DTD1: variants seen among roughly 807,000 people sequenced by gnomAD.
DTD1 encodes D-tyrosyl-tRNA deacylase 1 homolog.
DTD1 carries 13 observed loss-of-function variants against 25.6 expected under a neutral mutation model. That is an observed-to-expected ratio of 0.51 (90% CI 0.33 to 0.81). The LOEUF is 0.81. DTD1 is among the 30% of genes least tolerant of loss of function. The pLI is 0.02. For missense variants in DTD1, 193 were observed against 266.4 expected (o/e 0.72, Z 1.92); for synonymous variants, 110 against 103.6 (o/e 1.06, Z -0.37).
At chr20:18,706,256 G>A (rs1469785396) in intron 4 of DTD1, among the ~76,000 whole-genome samples, 8 of 152,244 alleles carry the variant, frequency 5.3e-5, no homozygotes, top group South Asian at 2.1e-4. Context: ...TAGGAATTGC[G>A]CCACACCCTG....
intron 4 of DTD1, among the ~76,000 whole-genome samples, chr20:18,635,237 C>T (rs561695525): frequency 6.6e-6 from 1 of 152,342 alleles, no homozygotes; most frequent in East Asian, 1.9e-4. Flanking sequence ...TGAACAAACG[C>T]TGACTGAGGG....
chr20:18,652,240 C>T (rs1301766794), intron 4 of DTD1, among the ~76,000 whole-genome samples: 1 of 152,178 alleles, frequency 6.6e-6, no homozygotes, highest in Non-Finnish European at 1.5e-5. Context: ...AAATTAAGTG[C>T]ACTTCTAGGC....
intron 4 of DTD1, among the ~76,000 whole-genome samples, chr20:18,736,541 A>G (rs769619249): frequency 1.3e-5 from 2 of 152,196 alleles, no homozygotes; most frequent in Admixed American, 1.3e-4. Context: ...AACAGAGGCA[A>G]ATCGCAATTC....
chr20:18,743,807 T>A (rs1467521129), intron 4 of DTD1, among the ~76,000 whole-genome samples: 1 of 152,128 alleles, frequency 6.6e-6, no homozygotes, highest in African/African-American at 2.4e-5. Context: ...CTTCTAAGGC[T>A]GTTGAAGAAG....
intron 4 of DTD1, among the ~76,000 whole-genome samples, chr20:18,710,082 A>C (rs552499102): frequency 6.6e-6 from 1 of 152,224 alleles, no homozygotes; most frequent in East Asian, 1.9e-4. Context: ...TACATTTTGG[A>C]GTATTGAGAA....
At chr20:18,716,952 C>T (rs767116091) in intron 4 of DTD1, among the ~76,000 whole-genome samples, 2 of 151,894 alleles carry the variant, frequency 1.3e-5, no homozygotes, top group South Asian at 2.1e-4. Context: ...TGGTGGGGGA[C>T]GGCAGCTGCA....
At chr20:18,689,444 A>G (rs140831271) in intron 4 of DTD1, among the ~76,000 whole-genome samples, 22 of 152,252 alleles carry the variant, frequency 1.4e-4, no homozygotes, top group African/African-American at 5.1e-4. Flanking sequence ...TGAAATATAC[A>G]CCGGTTTCTT....
rs1222733130 is a variant in DTD1 at position 18,744,080 on chromosome 20, T to G, written c.478-20T>G. 4 of 1,554,966 alleles carry G rather than the reference T, an allele frequency of 2.6e-6. No individual in the cohort carries two copies. The highest frequency in any genetic ancestry group is 3.5e-6 in the Non-Finnish European group (4 of 1,152,156). ...GTGTTTGTGTTTGTAAAATATTCTT[T>G]TTTATTTTTATTTAATCAGCTGTCA... On this transcript the variant is annotated intron_variant, in intron 4 of 5. Coordinates refer to ENST00000377452, the MANE Select transcript of DTD1 (RefSeq NM_080820.6).
intron 4 of DTD1, among the ~76,000 whole-genome samples, chr20:18,686,894 T>C (rs944349167): frequency 2.0e-5 from 3 of 152,200 alleles, no homozygotes; most frequent in African/African-American, 7.2e-5. Context: ...ACCACCACAA[T>C]GCAGACTCAC....
At chr20:18,709,946 C>A (rs2061151825) in intron 4 of DTD1, among the ~76,000 whole-genome samples, 1 of 152,044 alleles carries the variant, frequency 6.6e-6, no homozygotes, top group Non-Finnish European at 1.5e-5. Flanking sequence ...CTCCTAATTT[C>A]ATTTTTGATT....
intron 4 of DTD1, among the ~76,000 whole-genome samples, chr20:18,640,480 C>T (rs1186846099): frequency 1.3e-5 from 2 of 152,072 alleles, no homozygotes; most frequent in African/African-American, 2.4e-5. Context: ...CCCACATTTA[C>T]ACATGGTATC....
At chr20:18,707,536 C>G (rs200878768) in intron 4 of DTD1, among the ~76,000 whole-genome samples, 1 of 152,154 alleles carries the variant, frequency 6.6e-6, no homozygotes, top group African/African-American at 2.4e-5. Flanking sequence ...AGTACAGCAG[C>G]ACCAGACTCT....
At chr20:18,747,761 C>G (rs2061305761) in intron 5 of DTD1, among the ~76,000 whole-genome samples, 1 of 151,898 alleles carries the variant, frequency 6.6e-6, no homozygotes, top group Non-Finnish European at 1.5e-5. Context: ...GCCTGTAATC[C>G]CAGCACTTTG....
chr20:18,649,030 C>G (rs1475745415), intron 4 of DTD1, among the ~76,000 whole-genome samples: 2 of 132,574 alleles, frequency 1.5e-5, no homozygotes, highest in Non-Finnish European at 3.2e-5. Flanking sequence ...GCAAATTTAA[C>G]TTGTATGTGG....
chr20:18,613,235 G>T (rs1408345265), intron 3 of DTD1, among the ~76,000 whole-genome samples: 1 of 152,198 alleles, frequency 6.6e-6, no homozygotes, highest in Non-Finnish European at 1.5e-5. Flanking sequence ...CTTGTGCTAG[G>T]CTCTGGGTAT....
At chr20:18,759,538 T>C (rs2061352907) in intron 5 of DTD1, among the ~76,000 whole-genome samples, 1 of 152,218 alleles carries the variant, frequency 6.6e-6, no homozygotes. Context: ...AAAATTCTTT[T>C]CTTTAAGAAT....
At chr20:18,688,665 C>T (rs1355672464) in intron 4 of DTD1, among the ~76,000 whole-genome samples, 2 of 152,066 alleles carry the variant, frequency 1.3e-5, no homozygotes, top group Non-Finnish European at 2.9e-5. Context: ...TCTTTCTATA[C>T]TAGATTGCCA....
intron 3 of DTD1, among the ~76,000 whole-genome samples, chr20:18,597,154 A>AGTGTGTGTGT (rs4052788): frequency 1.0e-3 from 144 of 143,562 alleles, no homozygotes; most frequent in Non-Finnish European, 1.4e-3. Context: ...GATGAGAGAA[A>AGTGTGTGTGT]GTGTGTGTGT....
chr20:18,706,506 T>C (rs1485151817), intron 4 of DTD1, among the ~76,000 whole-genome samples: 1 of 152,232 alleles, frequency 6.6e-6, no homozygotes, highest in African/African-American at 2.4e-5. Flanking sequence ...GGATTGCTCC[T>C]GAATGTGGGC....
Sources: gnomAD v4.1 joint callset for allele counts (sites outside exome capture counted in the v4.1 genomes callset) on GRCh38, gnomAD v4.1.1 for gene constraint, MANE v1.5 for transcripts, NCBI Gene and HGNC (gene_info 2026-07-23, HGNC 2026-07-21) for gene names.